Variants in MUC6 observed in about 807,000 individuals in gnomAD.
The protein encoded by MUC6 is mucin 6, oligomeric mucus/gel-forming (gene/pseudogene).
Under a neutral mutation model 201.5 loss-of-function variants are expected in MUC6, and 188 were observed. The ratio of observed to expected loss-of-function variants is 0.93; its 90% CI spans 0.83 to 1.05. The LOEUF (loss-of-function observed/expected upper bound fraction) is 1.05. Among genes scored for constraint, MUC6 ranks in the 50% least tolerant of loss-of-function variants. The pLI is 0.00. For missense variants in MUC6, 2,706 were observed against 3,256.9 expected (o/e 0.83, Z 4.12); for synonymous variants, 1,228 against 1,389.4 (o/e 0.88, Z 2.58).
At chr11:1,030,035 C>A (rs976245756) in intron 8 of MUC6, among the ~76,000 whole-genome samples, 178 bp downstream of exon 8, 1 of 151,944 alleles carries the variant, frequency 6.6e-6, no homozygotes, top group Non-Finnish European at 1.5e-5. Context: ...GGGGGACCTG[C>A]AGGCTGTAAG....
chr11:1,024,780 T>C, intron 24 of MUC6, 64 bp downstream of exon 24: 32 of 1,211,188 alleles, frequency 2.6e-5, no homozygotes, highest in Middle Eastern at 2.4e-4. Flanking sequence ...TCCCCGCCCC[T>C]TCCCCCGCCC....
At chr11:1,021,471 C>T (rs969861226) in intron 26 of MUC6, among the ~76,000 whole-genome samples, 194 bp from the exon 27 acceptor site, 3 of 151,342 alleles carry the variant, frequency 2.0e-5, no homozygotes, top group Non-Finnish European at 4.4e-5. Flanking sequence ...CCTGGATTCA[C>T]ATGATTCTCC....
In MUC6 at chr11:1,033,260, C is replaced by G; in HGVS notation, c.53-185G>C. The G allele has an allele frequency of 1.7e-6, 1 of 604,922 alleles. No homozygotes were observed. The highest frequency in any genetic ancestry group is 3.0e-6 in the Non-Finnish European group (1 of 333,790). 37.5% of individuals were successfully genotyped at this position (604,922 alleles called of 1,614,324 possible). On this transcript the variant is annotated intron_variant, in intron 1 of 32. Transcript: ENST00000421673. This position sits in a 1 kb window ranked among gnomAD's most constrained non-coding sequence, Gnocchi z 5.6. ...GCGCTTGGCCTCCCATGCTGTCCTT[C>G]ACGAGCCCCAGCTTCCTTCCCTGCT...
rs750524968 is a variant in MUC6, at chr11:1,025,180, A to G, written c.2985+2T>C. On this transcript the variant is annotated splice_donor_variant, in intron 23 of 32. Transcript: ENST00000421673. LOFTEE classifies it high-confidence loss of function. The stretch of plus-strand genomic sequence containing the variant: ...TGGGAGGAGGCAGAGGGCGTGCGGT[A>G]CCTGGGAGGCACGGGCGATCCTGAT... 3.1e-6 allele frequency: 5 copies of G among 1,611,194 alleles called. No homozygotes were observed. Among genetic ancestry groups the G allele is most frequent in the Non-Finnish European group, 4.2e-6 (5 of 1,178,580 alleles).
intron 1 of MUC6, 24 bp downstream of exon 1, chr11:1,036,580 C>T: frequency 6.5e-7 from 1 of 1,548,840 alleles, no homozygotes; most frequent in Non-Finnish European, 8.7e-7. Flanking sequence ...ACCGCAGTGT[C>T]TGGCGCCCCT....
Position 1,031,004 on chromosome 11 carries a change from G to T in MUC6, c.627C>A (p.Pro209=). Residue 209 remains proline (P), a synonymous_variant, in exon 6 of 33, where the codon CCC becomes CCA. Transcript: ENST00000421673. ...KFAALQKLDD[P]GEICTFQDIP... The stretch of plus-strand genomic sequence containing the variant: ...TGTCCTGGAAGGTGCAGATCTCGCC[G>T]GGGTCGTCCAGCTTCTGGAGGGCAG... The T allele has an allele frequency of 6.3e-7, 1 of 1,583,024 alleles. No individual in the cohort carries two copies. Among genetic ancestry groups the T allele is most frequent in the East Asian group, 2.3e-5 (1 of 43,648 alleles).
rs765157481 is a variant in MUC6 at position 1,016,370 on chromosome 11, T to A, written c.6431A>T (p.Tyr2144Phe). 1 of 1,611,650 alleles carries A rather than the reference T, an allele frequency of 6.2e-7. No individual in the cohort carries two copies. The highest frequency in any genetic ancestry group is 1.1e-5 in the South Asian group (1 of 90,872). ...SPSAPSTVSS[Y>F]VPSSHSSPQT... is the part of the protein sequence containing the mutation. ...GGGAGAGGAGTGGGAGGAGGGCACA[T>A]AAGAAGAAACAGTAGAGGGGGCAGA... The change falls in exon 31 of 33, where the codon TAT becomes TTT. Residue 2144 changes from tyrosine to phenylalanine, a missense_variant. Transcript: ENST00000421673.
Position 1,025,856 on chromosome 11 carries a change from G to T in MUC6, c.2748C>A (p.Ile916=). The change falls in exon 22 of 33, where the codon ATC becomes ATA. Residue 916 remains isoleucine (I), a synonymous_variant. Transcript: ENST00000421673. ...AGCATGTGACCCCGGAGTTCCCACA[G>T]ATGACGTTCTCTGTCAGGATCTTGA... ...PTFKILTENV[I]CGNSGVTCSR... The T allele has an allele frequency of 6.2e-7, 1 of 1,613,094 alleles. No individual in the cohort carries two copies. Among genetic ancestry groups the T allele is most frequent in the Non-Finnish European group, 8.5e-7 (1 of 1,179,780 alleles).
At chr11:1,023,806 G>A in intron 25 of MUC6, 141 bp downstream of exon 25, 1 of 1,439,466 alleles carries the variant, frequency 6.9e-7, no homozygotes, top group Non-Finnish European at 9.3e-7. Flanking sequence ...GGGGCTGCGG[G>A]AGGGCCAGGG....
intron 19 of MUC6, 85 bp downstream of exon 19, chr11:1,026,856 C>T: frequency 7.6e-7 from 1 of 1,323,372 alleles, no homozygotes; most frequent in South Asian, 1.4e-5. Flanking sequence ...CAGAATGCGG[C>T]CAGGTCTCCC....
chr11:1,025,271 C>T lies in MUC6; in HGVS notation c.2896G>A (p.Val966Met), dbSNP rs868111683. The T allele has an allele frequency of 8.1e-6, 13 of 1,612,696 alleles. No homozygotes were observed. Among genetic ancestry groups the T allele is most frequent in the African/African-American group, 1.3e-5 (1 of 74,940 alleles). ...TACCTCCCGGGGATGCTGATGTCCACGACAAGGCTCAGCGCACCCGGCGTC... is the reference window on the plus strand; with the variant it reads ...TACCTCCCGGGGATGCTGATGTCCATGACAAGGCTCAGCGCACCCGGCGTC... The part of the protein sequence containing the change: ...GVTPGALSLV[V>M]DISIPGRYNL... The change falls in exon 23 of 33, where the codon GTG becomes ATG. Residue 966 changes from valine to methionine, a missense_variant. This residue lies in a region of MUC6 where 1,850 missense variants were observed against 1,958.3 expected (regional missense o/e 0.94). Transcript: ENST00000421673.
chr11:1,028,227 G>A lies in MUC6; in HGVS notation c.1752C>T (p.Asn584=), dbSNP rs1162179554. The A allele has an allele frequency of 6.4e-7, 1 of 1,569,886 alleles. No homozygotes were observed. The highest frequency in any genetic ancestry group is 2.4e-5 in the East Asian group (1 of 42,172). The change falls in exon 14 of 33, where the codon AAC becomes AAT. Residue 584 remains asparagine, a splice_region_variant and synonymous_variant. Coordinates refer to ENST00000421673, the MANE Select transcript of MUC6 (RefSeq NM_005961.3). ...ETDPCSMSQL[N]KVCAETHCSM... ...GGGAGTGGGGGGCCGGACACTCACTGTTGAGCTGGCTCATGGAGCAGGGGT... is the reference window on the plus strand; with the variant it reads ...GGGAGTGGGGGGCCGGACACTCACTATTGAGCTGGCTCATGGAGCAGGGGT...
In MUC6 at chr11:1,033,037, T is replaced by C. The variant is rs370818452; in HGVS notation, c.91A>G (p.Arg31Gly). ...CCTGTCTGTGGAGAGTCCTTCAGCC[T>C]CTGGAGGCCTGGGCTGGTGTAGGAG... The part of the protein sequence containing the change: ...NTSYTSPGLQ[R>G]LKDSPQTAPD... Residue 31 changes from arginine (R) to glycine (G), a missense_variant, in exon 2 of 33, where the codon AGG becomes GGG. Arg to Gly is a moderately radical substitution (Grantham distance 125). This residue lies in a region of MUC6 where 1,850 missense variants were observed against 1,958.3 expected (regional missense o/e 0.94). Coordinates refer to ENST00000421673, the MANE Select transcript of MUC6 (RefSeq NM_005961.3). The surrounding 1 kb of genome is among the most constrained non-coding windows in gnomAD (Gnocchi z 5.6). 3.0e-5 allele frequency: 49 copies of C among 1,607,322 alleles called. No homozygotes were observed. The highest frequency in any genetic ancestry group is 3.8e-5 in the Non-Finnish European group (45 of 1,174,778).
rs992934933 is a variant in MUC6 at position 1,013,046 on chromosome 11, A to T, written c.*410T>A. The T allele has an allele frequency of 2.1e-5, 4 of 186,368 alleles. No homozygotes were observed. Among genetic ancestry groups the T allele is most frequent in the Non-Finnish European group, 4.4e-5 (4 of 90,558 alleles). The allele number at this position is 186,368 out of a possible 1,614,324, so 11.5% of individuals were successfully genotyped here. A position where few individuals can be genotyped will look rare whatever the true frequency, so the allele number is the denominator to read the frequency against. ...GGGCCTCTTGCCCCCATCTCGGCAC[A>T]GGTTTCCGTGCCCTCCTCGCCCCTG... On this transcript the variant is annotated 3_prime_UTR_variant, in exon 33 of 33. Coordinates refer to ENST00000421673, the MANE Select transcript of MUC6 (RefSeq NM_005961.3).
Position 1,018,344 on chromosome 11 carries a change from G to A in MUC6, c.4457C>T (p.Pro1486Leu), listed in dbSNP as rs199606234. 4.8e-5 allele frequency: 77 copies of A among 1,613,870 alleles called. No individual in the cohort carries two copies. The Middle Eastern group carries it at 9.9e-4, about 21-fold the overall frequency. ...NHSAPTGTIPPPTTLKATGST... is the reference protein window; with the variant it reads ...NHSAPTGTIPLPTTLKATGST... ...CCCTGTGGCCTTGAGCGTTGTTGGT[G>A]GAGGAATGGTACCTGTTGGCGCTGA... is the stretch of plus-strand genomic sequence containing the variant. Residue 1486 changes from proline to leucine, a missense_variant, in exon 31 of 33, where the codon CCA (proline) becomes CTA (leucine). Physicochemically the swap from Pro to Leu is moderately conservative, Grantham distance 98. Transcript: ENST00000421673.
In MUC6 at chr11:1,026,273, C is replaced by T. The variant is rs542643212; in HGVS notation, c.2546+54G>A. 9 of 1,549,744 alleles carry T rather than the reference C, an allele frequency of 5.8e-6. No individual in the cohort carries two copies. In the Admixed American group the frequency reaches 1.8e-4, roughly 30 times the overall value. On this transcript the variant is annotated intron_variant, in intron 20 of 32. Transcript: ENST00000421673. ...CAGCCCCACCCCGGGCAGCCTCCGC[C>T]TGCCCCAGATGGCCCCAGGAGCCCA... is the stretch of plus-strand genomic sequence containing the variant.
chr11:1,030,488 T>C, intron 7 of MUC6, 85 bp downstream of exon 7: 1 of 1,440,532 alleles, frequency 6.9e-7, no homozygotes, highest in East Asian at 2.5e-5. Context: ...GATGCAGGCG[T>C]CACGTCAGGC....
At position 1,013,120 on chromosome 11, in the gene MUC6, G is replaced by A. The variant is rs1856514086; in HGVS notation, c.*336C>T. On this transcript the variant is annotated 3_prime_UTR_variant, in exon 33 of 33. Coordinates refer to ENST00000421673, the MANE Select transcript of MUC6 (RefSeq NM_005961.3). ...CTGTGGCTTCATCTGCAGGGTTCTG[G>A]GCCCAGCAGGGCTGGGGCCAAGTTC... 5.4e-6 allele frequency: 2 copies of A among 369,978 alleles called. No homozygotes were observed. The highest frequency in any genetic ancestry group is 9.8e-6 in the Non-Finnish European group (2 of 203,772). 22.9% of individuals were successfully genotyped at this position (369,978 alleles called of 1,614,324 possible).
At chr11:1,034,899 C>T (rs1025586482) in intron 1 of MUC6, among the ~76,000 whole-genome samples, 3 of 152,226 alleles carry the variant, frequency 2.0e-5, no homozygotes, top group South Asian at 4.1e-4. Context: ...GGCTCCAAGT[C>T]GGCTGCCTCC....
Sources: allele counts gnomAD v4.1 joint callset (sites outside exome capture counted in the v4.1 genomes callset), GRCh38; gene constraint gnomAD v4.1.1; regional missense constraint gnomAD v4.1.1; non-coding constraint Gnocchi (gnomAD v3.1); transcripts MANE v1.5; gene names NCBI Gene and HGNC (gene_info 2026-07-23, HGNC 2026-07-21).